The following NPHP3 variants were observed in gnomAD, a reference collection of about 807,000 sequenced individuals.
The protein encoded by NPHP3 is nephrocystin-3.
Under a neutral mutation model 171.9 loss-of-function variants are expected in NPHP3, and 123 were observed. That is an observed-to-expected ratio of 0.72 (90% CI 0.62 to 0.83). The LOEUF is 0.83. Among genes scored for constraint, NPHP3 ranks in the 40% least tolerant of loss-of-function variants. NPHP3 has a pLI of 0.00. For missense variants in NPHP3, 1,506 were observed against 1,591.9 expected, an observed-to-expected ratio of 0.95 and a Z score of 0.92; for synonymous variants, 558 against 579.2, an observed-to-expected ratio of 0.96 and a Z score of 0.52.
At chr3:132,687,293 A>G (rs1168520815) in intron 21 of NPHP3, 67 bp from the exon 22 acceptor site, 2 of 748,292 alleles carry the variant, frequency 2.7e-6, no homozygotes, top group East Asian at 5.1e-5. Flanking sequence ...GTGAAATGAA[A>G]GCACTCTTTT....
At position 132,686,326 on chromosome 3, in the gene NPHP3, T is replaced by C; in HGVS notation, c.3263A>G (p.Asp1088Gly). The C allele has an allele frequency of 6.2e-7, 1 of 1,613,758 alleles. No homozygotes were observed. Among genetic ancestry groups the C allele is most frequent in the Non-Finnish European group, 8.5e-7 (1 of 1,179,642 alleles). ...GAGGGTCCGAGCATTATCAGGTGTG[T>C]CCTTACCTAATGTAAGCTCTTCTAA... ...LQLEELTLGKDTPDNARTLNE... is the reference protein window; with the variant it reads ...LQLEELTLGKGTPDNARTLNE... The change falls in exon 23 of 27, where the codon GAC becomes GGC. Residue 1088 changes from aspartate (D) to glycine (G), a missense_variant. By Grantham distance (94) the Asp-to-Gly change is moderately conservative. Around this residue, in one of 3 missense-constraint regions of NPHP3, gnomAD observed 569 missense variants for 648.1 expected, o/e 0.88. Transcript: ENST00000337331.
At position 132,682,094 on chromosome 3, in the gene NPHP3, T is replaced by A; in HGVS notation, c.3813-4A>T. ...TTCAAAATCTCCTCCTTCATAGCTT[T>A]GAGAGAGAAAACAAAAACTCTTAAA... On this transcript the variant is annotated splice_polypyrimidine_tract_variant and splice_region_variant and intron_variant, in intron 26 of 26. Transcript: ENST00000337331. 1 of 1,613,280 alleles carries A rather than the reference T, an allele frequency of 6.2e-7. No individual in the cohort carries two copies.
chr3:132,721,751 C>T, intron 1 of NPHP3: 1 of 734,064 alleles, frequency 1.4e-6, no homozygotes, highest in Non-Finnish European at 2.4e-6. Context: ...CAGTGAGCCG[C>T]GATCGTGCCA....
At chr3:132,709,272 C>CTTT (rs3046397) in intron 6 of NPHP3, among the ~76,000 whole-genome samples, 10 of 76,008 alleles carry the variant, frequency 1.3e-4, no homozygotes, top group African/African-American at 2.2e-4. Context: ...CTTTCTCTCC[C>CTTT]TTTTTTTTTT....
intron 3 of NPHP3, chr3:132,718,050 G>A (rs756156894): frequency 1.8e-5 from 7 of 395,016 alleles, no homozygotes; most frequent in East Asian, 9.9e-5. Flanking sequence ...CACCGTGCCC[G>A]GCCTTCATTT....
At position 132,700,749 on chromosome 3, in the gene NPHP3, C is replaced by T. The variant is rs1205136863; in HGVS notation, c.1629-301G>A. Among the ~76,000 whole-genome samples, 16 of 152,060 alleles carry T rather than the reference C, an allele frequency of 1.1e-4. No homozygotes were observed. In the East Asian group the frequency reaches 3.1e-3, roughly 29 times the overall value. On this transcript the variant is annotated intron_variant, in intron 10 of 26. Transcript: ENST00000337331. ...AAGCATTAACTTTTAATTAAAAATT[C>T]CTACTAGAGGAAAATTTGTTAGATA...
chr3:132,718,162 T>C (rs1320690737), intron 3 of NPHP3: 4 of 434,756 alleles, frequency 9.2e-6, no homozygotes, highest in Non-Finnish European at 1.4e-5. Context: ...CATATTTTAC[T>C]CCAAAATGCA....
rs755574095 is a variant in NPHP3, at chr3:132,681,929, A to C, written c.3974T>G (p.Leu1325Arg). ...LKTAHSPNVF[L>R]QQGQR ...CTGCTATTACCTTTGTCCTTGCTGA[A>C]GGAAAACATTAGGAGAATGAGCTGT... is the stretch of plus-strand genomic sequence containing the variant. The change falls in exon 27 of 27, where the codon CTT becomes CGT. Residue 1325 changes from leucine to arginine, a missense_variant. Coordinates refer to ENST00000337331, the MANE Select transcript of NPHP3 (RefSeq NM_153240.5). The C allele has an allele frequency of 5.0e-6, 8 of 1,613,990 alleles. No homozygotes were observed. Among genetic ancestry groups the C allele is most frequent in the Non-Finnish European group, 6.8e-6 (8 of 1,179,950 alleles).
chr3:132,693,053 A>G (rs893165466), intron 16 of NPHP3: 1 of 489,438 alleles, frequency 2.0e-6, no homozygotes, highest in Non-Finnish European at 3.6e-6. Flanking sequence ...TCTTACAGAA[A>G]AAAGTACAGT....
At chr3:132,721,814 G>A (rs527443455) in intron 1 of NPHP3, 149 bp downstream of exon 1, 1 of 993,326 alleles carries the variant, frequency 1.0e-6, no homozygotes, top group East Asian at 2.6e-5. Flanking sequence ...GGAGGGTTAA[G>A]GAATCATTTC....
chr3:132,684,963 C>G, intron 23 of NPHP3, 169 bp from the exon 24 acceptor site: 1 of 731,126 alleles, frequency 1.4e-6, no homozygotes, highest in Non-Finnish European at 2.2e-6. Context: ...CTATCTCTTC[C>G]TGCCCTTTTC....
chr3:132,698,642 TCCCAGCCCGGC>T (rs1254199580), intron 13 of NPHP3, among the ~76,000 whole-genome samples: 1 of 152,078 alleles, frequency 6.6e-6, no homozygotes, highest in Non-Finnish European at 1.5e-5. Context: ...TGTCTATTAT[TCCCAGCCCGGC>T]CCTTTCTCTA....
At position 132,688,903 on chromosome 3, in the gene NPHP3, A is replaced by AG. The variant is rs2107967791; in HGVS notation, c.2884-13dup. On this transcript the variant is annotated splice_polypyrimidine_tract_variant and intron_variant, in intron 20 of 26. Transcript: ENST00000337331. ...AAAGGTACTATGGCCTGGGGGGAAA[A>AG]GGGGTGAAAGGCCAGTTAAAGTGAG... is the stretch of plus-strand genomic sequence containing the variant. The AG allele has an allele frequency of 6.2e-7, 1 of 1,614,004 alleles. No individual in the cohort carries two copies. Among genetic ancestry groups the AG allele is most frequent in the Non-Finnish European group, 8.5e-7 (1 of 1,179,938 alleles).
Position 132,718,983 on chromosome 3 carries a change from T to C in NPHP3, c.670+11A>G. ...TTGAAAGCTCAAAATATAAATAGGA[T>C]ATACACTTACCAGTGACATCTGTAC... On this transcript the variant is annotated intron_variant, in intron 3 of 26. Coordinates refer to ENST00000337331, the MANE Select transcript of NPHP3 (RefSeq NM_153240.5). The C allele has an allele frequency of 2.5e-6, 4 of 1,613,852 alleles. No individual in the cohort carries two copies. The highest frequency in any genetic ancestry group is 1.1e-5 in the South Asian group (1 of 91,080).
In NPHP3 at chr3:132,695,152, T is replaced by C. The variant is rs10935028; in HGVS notation, c.2172-187A>G. On this transcript the variant is annotated intron_variant, in intron 15 of 26. Coordinates refer to ENST00000337331, the MANE Select transcript of NPHP3 (RefSeq NM_153240.5). ...GAGTCATTGGGTTTATTTTACTATATATAATTTAATTCAGTGCAATAAACA... is the reference window on the plus strand; with the variant it reads ...GAGTCATTGGGTTTATTTTACTATACATAATTTAATTCAGTGCAATAAACA... 70,015 of 575,798 alleles carry C rather than the reference T, an allele frequency of 0.12. 9,173 individuals carry two copies. The highest frequency in any genetic ancestry group is 0.6 in the East Asian group (20,295 of 33,808). The allele number at this position is 575,798 out of a possible 1,614,324, so 35.7% of individuals were successfully genotyped here. A position where few individuals can be genotyped will look rare whatever the true frequency, so the allele number is the denominator to read the frequency against.
In NPHP3 at chr3:132,691,207, A is replaced by T. The variant is rs1220229237; in HGVS notation, c.2555T>A (p.Phe852Tyr). The change falls in exon 18 of 27, where the codon TTC becomes TAC. Residue 852 changes from phenylalanine (F) to tyrosine (Y), a missense_variant. Phe to Tyr is a conservative substitution (Grantham distance 22). Coordinates refer to ENST00000337331, the MANE Select transcript of NPHP3 (RefSeq NM_153240.5). ...SSYRQKLINY[F>Y]TLQLSQDRVT... ...TTTACAATACCTTAGCTGCAAGGTG[A>T]AATAGTTGATTAGCTTTTGCCTGTA... The T allele has an allele frequency of 6.2e-7, 1 of 1,612,692 alleles. No individual in the cohort carries two copies. The highest frequency in any genetic ancestry group is 1.1e-5 in the South Asian group (1 of 91,068).
In NPHP3 at chr3:132,722,027, A is replaced by C; in HGVS notation, c.329T>G (p.Leu110Trp). The C allele has an allele frequency of 6.2e-7, 1 of 1,613,172 alleles. No homozygotes were observed. Among genetic ancestry groups the C allele is most frequent in the Non-Finnish European group, 8.5e-7 (1 of 1,179,876 alleles). ...CTTGGCCTCGCGGCGGCCCATGGAC[A>C]ACAACTCCTGGTTCTTGCTGACGCG... ...IFRVSKNQEL[L>W]SMGRREAKLD... The change falls in exon 1 of 27, where the codon TTG (leucine) becomes TGG (tryptophan). Residue 110 changes from leucine to tryptophan, a missense_variant. By Grantham distance (61) the Leu-to-Trp change is moderately conservative. This residue lies in a region of NPHP3 where 930 missense variants were observed against 924.9 expected (regional missense o/e 1.01). Coordinates refer to ENST00000337331, the MANE Select transcript of NPHP3 (RefSeq NM_153240.5).
intron 7 of NPHP3, among the ~76,000 whole-genome samples, chr3:132,707,256 T>C (rs182698180): frequency 2.6e-5 from 4 of 152,262 alleles, no homozygotes; most frequent in Admixed American, 2.0e-4. Flanking sequence ...CTATAAAAAG[T>C]CTCCTCCTGC....
intron 5 of NPHP3, among the ~76,000 whole-genome samples, 185 bp downstream of exon 5, chr3:132,714,900 C>T (rs1405364241): frequency 5.9e-5 from 9 of 152,134 alleles, no homozygotes. Flanking sequence ...CTCAATTCAC[C>T]ACCTTTCTTT....
Sources: allele counts gnomAD v4.1 joint callset (sites outside exome capture counted in the v4.1 genomes callset), GRCh38; gene constraint gnomAD v4.1.1; regional missense constraint gnomAD v4.1.1; transcripts MANE v1.5; gene names NCBI Gene and HGNC (gene_info 2026-07-23, HGNC 2026-07-21).